Variants in CTNND2 observed in about 807,000 individuals in gnomAD.
CTNND2 encodes catenin delta-2.
CTNND2 carries 22 observed loss-of-function variants against 144.4 expected under a neutral mutation model. The observed-to-expected ratio is 0.15, with a 90% CI of 0.11 to 0.22. The LOEUF (loss-of-function observed/expected upper bound fraction) is 0.22, where lower values mean the gene tolerates loss of function less well. CTNND2 is among the 10% of genes least tolerant of loss of function. The probability of loss-of-function intolerance (pLI) is 1.00; values close to 1 mark genes in which losing one functional copy is unlikely to be tolerated. For synonymous variants in CTNND2, 751 were observed against 695.6 expected (o/e 1.08, Z -1.25); for missense variants, 1,353 against 1,618.8 (o/e 0.84, Z 2.82).
intron 1 of CTNND2, among the ~76,000 whole-genome samples, chr5:11,749,130 G>T (rs1466355181): frequency 2.0e-5 from 3 of 151,972 alleles, no homozygotes; most frequent in Non-Finnish European, 4.4e-5. Flanking sequence ...TTAGACAGCA[G>T]ATCTTCCAGT....
intron 1 of CTNND2, among the ~76,000 whole-genome samples, chr5:11,801,701 T>C (rs1425985513): frequency 1.3e-5 from 2 of 152,182 alleles, no homozygotes; most frequent in African/African-American, 4.8e-5. Context: ...AATTTTACTC[T>C]ATGAGCATAA....
intron 5 of CTNND2, among the ~76,000 whole-genome samples, 191 bp downstream of exon 5, chr5:11,411,345 T>A (rs1761514812): frequency 6.6e-6 from 1 of 152,168 alleles, no homozygotes; most frequent in Non-Finnish European, 1.5e-5. Context: ...AAAGAGTTTA[T>A]ACTCTAATGT....
intron 3 of CTNND2, among the ~76,000 whole-genome samples, chr5:11,531,746 C>CA (rs912404125): frequency 2.8e-4 from 42 of 152,216 alleles, no homozygotes; most frequent in African/African-American, 1.0e-3. Context: ...GAAATAAAAA[C>CA]ACTCAAAGAG....
intron 7 of CTNND2, among the ~76,000 whole-genome samples, chr5:11,367,116 T>C (rs1757057991): frequency 6.6e-6 from 1 of 152,260 alleles, no homozygotes; most frequent in Non-Finnish European, 1.5e-5. Flanking sequence ...AGTGTTTCCC[T>C]GTGTAAATGC....
At chr5:11,641,601 TATATACATATACGTGTGTGTATAC>T (rs1782010055) in intron 2 of CTNND2, among the ~76,000 whole-genome samples, 2 of 140,842 alleles carry the variant, frequency 1.4e-5, no homozygotes, top group African/African-American at 6.3e-5. Context: ...TACGTGTGTG[TATATACATATACGTGTGTGTATAC>T]ATATACGTGT....
intron 11 of CTNND2, among the ~76,000 whole-genome samples, chr5:11,182,231 T>A (rs867652741): frequency 3.1e-4 from 47 of 150,112 alleles, no homozygotes; most frequent in Middle Eastern, 6.9e-3. Context: ...GTGTGTGGTA[T>A]ATGTGTGTGG....
intron 18 of CTNND2, among the ~76,000 whole-genome samples, chr5:10,997,485 G>A (rs999220280): frequency 1.3e-5 from 2 of 151,830 alleles, no homozygotes; most frequent in East Asian, 1.9e-4. Flanking sequence ...CTAGCTACTC[G>A]GGAGGCTGAG....
chr5:11,769,911 T>A (rs770445724), intron 1 of CTNND2, among the ~76,000 whole-genome samples: 1 of 152,206 alleles, frequency 6.6e-6, no homozygotes, highest in Non-Finnish European at 1.5e-5. Context: ...ATTTTCCAAT[T>A]ATAAAATTAA....
chr5:11,571,941 TG>T (rs1777590513), intron 2 of CTNND2, among the ~76,000 whole-genome samples: 1 of 152,148 alleles, frequency 6.6e-6, no homozygotes, highest in South Asian at 2.1e-4. Flanking sequence ...CCCTAAAAAT[TG>T]ATGGCCTCTC....
chr5:11,420,130 T>C (rs929588817), intron 3 of CTNND2, among the ~76,000 whole-genome samples: 1 of 152,244 alleles, frequency 6.6e-6, no homozygotes, highest in Middle Eastern at 3.4e-3. Context: ...GAGATCAGCC[T>C]GGCCAACACA....
chr5:11,240,015 C>G (rs918961848), intron 9 of CTNND2, among the ~76,000 whole-genome samples: 2 of 152,060 alleles, frequency 1.3e-5, no homozygotes, highest in Non-Finnish European at 2.9e-5. Flanking sequence ...AAGGTGCTAA[C>G]GAATGAAGAA....
intron 3 of CTNND2, chr5:11,508,497 A>T (rs542223355): frequency 1.9e-4 from 29 of 151,712 alleles, no homozygotes; most frequent in African/African-American, 7.0e-4. Context: ...CCCCAAACCC[A>T]TATATCAACA....
intron 2 of CTNND2, among the ~76,000 whole-genome samples, chr5:11,662,444 T>C (rs1408043279): frequency 6.6e-6 from 1 of 151,770 alleles, no homozygotes. Flanking sequence ...GGGCAGGAAG[T>C]ATCCAGCACT....
At chr5:11,331,039 C>CTGTAGCCACCCCAGTGTGCAAT (rs1753094707) in intron 9 of CTNND2, among the ~76,000 whole-genome samples, 3 of 152,182 alleles carry the variant, frequency 2.0e-5, no homozygotes, top group Non-Finnish European at 4.4e-5. Context: ...AGGCACCCTA[C>CTGTAGCCACCCCAGTGTGCAAT]AGAAACGTTT....
chr5:11,425,930 T>C (rs1338244667), intron 3 of CTNND2, among the ~76,000 whole-genome samples: 4 of 152,174 alleles, frequency 2.6e-5, no homozygotes, highest in Admixed American at 6.5e-5. Context: ...ATCCTCCATA[T>C]CTGATCAGGT....
intron 9 of CTNND2, among the ~76,000 whole-genome samples, chr5:11,280,289 A>C (rs1746981976): frequency 6.6e-6 from 1 of 152,220 alleles, no homozygotes; most frequent in African/African-American, 2.4e-5. Context: ...ATGTGGTGGA[A>C]TAATAAAGGA....
chr5:11,437,089 T>C (rs912401215), intron 3 of CTNND2, among the ~76,000 whole-genome samples: 2 of 152,222 alleles, frequency 1.3e-5, no homozygotes, highest in African/African-American at 4.8e-5. Flanking sequence ...TTTCGGCATA[T>C]GCATTTGTCA....
chr5:11,299,220 C>T (rs571446852), intron 9 of CTNND2, among the ~76,000 whole-genome samples: 13 of 152,248 alleles, frequency 8.5e-5, no homozygotes, highest in East Asian at 7.7e-4. Context: ...CTTTTCTTCA[C>T]GGTTTGGTCT....
chr5:11,742,391 C>T (rs569767533), intron 1 of CTNND2, among the ~76,000 whole-genome samples: 2 of 152,180 alleles, frequency 1.3e-5, no homozygotes, highest in African/African-American at 4.8e-5. Flanking sequence ...TGTTAACTAC[C>T]TTGACTTCCT....
Sources: gnomAD v4.1 joint callset for allele counts (sites outside exome capture counted in the v4.1 genomes callset) on GRCh38, gnomAD v4.1.1 for gene constraint, MANE v1.5 for transcripts, NCBI Gene and HGNC (gene_info 2026-07-23, HGNC 2026-07-21) for gene names.